Variants in PTPRM observed in about 807,000 individuals in gnomAD.
The protein encoded by PTPRM is protein tyrosine phosphatase receptor type M, also known as receptor-type tyrosine-protein phosphatase mu.
PTPRM carries 47 observed loss-of-function variants against 186.7 expected under a neutral mutation model. That is an observed-to-expected ratio of 0.25 (90% CI 0.20 to 0.32). The LOEUF (loss-of-function observed/expected upper bound fraction) is 0.32. Among genes scored for constraint, PTPRM ranks in the 10% least tolerant of loss-of-function variants. The pLI is 1.00. For synonymous variants in PTPRM, 668 were observed against 674.9 expected, an observed-to-expected ratio of 0.99 and a Z score of 0.16; for missense variants, 1,494 against 1,865.0, an observed-to-expected ratio of 0.80 and a Z score of 3.66.
chr18:8,012,350 A>G (rs1447684462), intron 7 of PTPRM, among the ~76,000 whole-genome samples: 4 of 152,214 alleles, frequency 2.6e-5, no homozygotes, highest in African/African-American at 9.6e-5. Flanking sequence ...TCGACAGGCC[A>G]TGAAGATTTT....
chr18:8,379,051 G>A (rs1485478539), intron 27 of PTPRM, 116 bp from the exon 28 acceptor site: 3 of 785,912 alleles, frequency 3.8e-6, no homozygotes, highest in African/African-American at 3.6e-5. Context: ...GGGAGGGAGG[G>A]GGAAGGGACC....
At chr18:8,011,282 A>G (rs1179798106) in intron 7 of PTPRM, among the ~76,000 whole-genome samples, 1 of 152,174 alleles carries the variant, frequency 6.6e-6, no homozygotes, top group Non-Finnish European at 1.5e-5. Context: ...CAGCTGAAAT[A>G]TCAATGTCCC....
At chr18:7,840,090 G>T (rs1282403585) in intron 2 of PTPRM, among the ~76,000 whole-genome samples, 7 of 141,490 alleles carry the variant, frequency 4.9e-5, no homozygotes, top group Admixed American at 1.4e-4. Flanking sequence ...GTGGAGGTGG[G>T]GGGGGAGGGC....
chr18:7,978,707 A>G (rs2147404458), intron 7 of PTPRM, among the ~76,000 whole-genome samples: 1 of 152,332 alleles, frequency 6.6e-6, no homozygotes, highest in African/African-American at 2.4e-5. Context: ...TATCAATATT[A>G]TACGTGGCTC....
chr18:8,396,490 G>A (rs1312495892), intron 32 of PTPRM, among the ~76,000 whole-genome samples: 1 of 152,216 alleles, frequency 6.6e-6, no homozygotes, highest in Admixed American at 6.5e-5. Context: ...AGGTTTTATG[G>A]GCAGGAGTGA....
intron 20 of PTPRM, among the ~76,000 whole-genome samples, chr18:8,306,322 T>C (rs924348442): frequency 2.0e-5 from 3 of 152,156 alleles, no homozygotes; most frequent in Admixed American, 1.3e-4. Context: ...TTTTTACAGA[T>C]GAAGCTCAGC....
In PTPRM at chr18:7,592,729, G is replaced by A. The variant is rs138471019; in HGVS notation, c.73+24838G>A. On this transcript the variant is annotated intron_variant, in intron 1 of 32. Coordinates refer to ENST00000580170, the MANE Select transcript of PTPRM (RefSeq NM_001105244.2). Reference sequence around the variant, plus strand: ...TTGGAGTGTGTGCTATAAAAAAGGGGTGATGTTGATAGAGAAAGTTGTCAA... The same window carrying A: ...TTGGAGTGTGTGCTATAAAAAAGGGATGATGTTGATAGAGAAAGTTGTCAA... Among the ~76,000 whole-genome samples, 24 of 151,848 alleles carry A rather than the reference G, an allele frequency of 1.6e-4. No individual in the cohort carries two copies. In the East Asian group the frequency reaches 4.1e-3, roughly 26 times the overall value.
At chr18:7,604,790 A>G (rs984965597) in intron 1 of PTPRM, among the ~76,000 whole-genome samples, 1 of 152,236 alleles carries the variant, frequency 6.6e-6, no homozygotes, top group African/African-American at 2.4e-5. Flanking sequence ...TCAGAAATAC[A>G]GAAAGAGCAC....
rs143808742 is a variant in PTPRM, at chr18:8,244,166, C to T, written c.2409C>T (p.Asp803=). The T allele has an allele frequency of 5.8e-5, 93 of 1,596,286 alleles. No homozygotes were observed. Among genetic ancestry groups the T allele is most frequent in the Non-Finnish European group, 6.6e-5 (78 of 1,173,692 alleles). Reference sequence around the variant, plus strand: ...ATGCTGAGCAGGGCACAAACTGCGACGAGGCTTTCTCATTCATGGACACGC... The same window carrying T: ...ATGCTGAGCAGGGCACAAACTGCGATGAGGCTTTCTCATTCATGGACACGC... The part of the protein sequence containing the change: ...KSYAEQGTNC[D]EAFSFMDTHN... The change falls in exon 15 of 33, where the codon GAC becomes GAT. Residue 803 remains aspartate, a synonymous_variant. Coordinates refer to ENST00000580170, the MANE Select transcript of PTPRM (RefSeq NM_001105244.2).
chr18:8,302,569 G>C (rs1376203826), intron 20 of PTPRM, among the ~76,000 whole-genome samples: 1 of 152,182 alleles, frequency 6.6e-6, no homozygotes, highest in Non-Finnish European at 1.5e-5. Context: ...AGGGACAGCT[G>C]TTGAGGAATT....
intron 1 of PTPRM, among the ~76,000 whole-genome samples, chr18:7,667,935 T>C (rs1039754320): frequency 2.2e-4 from 33 of 152,186 alleles, no homozygotes; most frequent in Non-Finnish European, 3.8e-4. Flanking sequence ...TTATTTATAC[T>C]GATCATTTTT....
At chr18:7,794,814 C>T (rs542253558) in intron 2 of PTPRM, among the ~76,000 whole-genome samples, 1 of 151,984 alleles carries the variant, frequency 6.6e-6, no homozygotes, top group African/African-American at 2.4e-5. Flanking sequence ...TTTAATATGC[C>T]AGGGACCTCA....
intron 29 of PTPRM, among the ~76,000 whole-genome samples, chr18:8,382,264 A>G (rs1009996810): frequency 1.3e-5 from 2 of 152,190 alleles, no homozygotes; most frequent in Non-Finnish European, 2.9e-5. Context: ...ATAGAATGCA[A>G]TGTGCCAAGA....
chr18:7,936,366 T>G (rs2051808839), intron 5 of PTPRM, among the ~76,000 whole-genome samples: 1 of 152,206 alleles, frequency 6.6e-6, no homozygotes, highest in Non-Finnish European at 1.5e-5. Context: ...TCGAAGTACC[T>G]GCTTCCACTG....
chr18:8,369,505 G>T (rs1280512101), intron 23 of PTPRM, among the ~76,000 whole-genome samples: 3 of 152,230 alleles, frequency 2.0e-5, no homozygotes, highest in African/African-American at 7.2e-5. Flanking sequence ...GGTTGGGTTT[G>T]CGAGAAGGAA....
chr18:8,015,273 C>T (rs764175063), intron 7 of PTPRM, among the ~76,000 whole-genome samples: 118 of 152,292 alleles, frequency 7.7e-4, no homozygotes, highest in Non-Finnish European at 1.4e-3. Flanking sequence ...AGAAGCCTTA[C>T]TGATAACAGA....
At chr18:7,889,714 C>G (rs1311542322) in intron 3 of PTPRM, among the ~76,000 whole-genome samples, 1 of 145,118 alleles carries the variant, frequency 6.9e-6, no homozygotes, top group African/African-American at 2.7e-5. Flanking sequence ...AAAGAAGACA[C>G]CCTCTGCAAA....
At chr18:8,022,608 T>A (rs758463129) in intron 7 of PTPRM, among the ~76,000 whole-genome samples, 1 of 152,138 alleles carries the variant, frequency 6.6e-6, no homozygotes, top group Admixed American at 6.6e-5. Flanking sequence ...ATCATGCATA[T>A]GGTTAGGAAG....
chr18:7,817,731 T>C (rs2044921137), intron 2 of PTPRM, among the ~76,000 whole-genome samples: 1 of 152,174 alleles, frequency 6.6e-6, no homozygotes, highest in African/African-American at 2.4e-5. Flanking sequence ...GGTAGGATAA[T>C]TGGGGTCAGA....
Sources: allele counts gnomAD v4.1 joint callset (sites outside exome capture counted in the v4.1 genomes callset), GRCh38; gene constraint gnomAD v4.1.1; transcripts MANE v1.5; gene names NCBI Gene and HGNC (gene_info 2026-07-23, HGNC 2026-07-21).